USHBP1: variants seen among roughly 807,000 people sequenced by gnomAD.
USHBP1 encodes harmonin-binding protein USHBP1.
Under a neutral mutation model 76.2 loss-of-function variants are expected in USHBP1, and 67 were observed. The ratio of observed to expected loss-of-function variants is 0.88; its 90% confidence interval spans 0.72 to 1.08. USHBP1 has a LOEUF of 1.08. Among genes scored for constraint, USHBP1 ranks in the 50% least tolerant of loss-of-function variants. The pLI is 0.00. For synonymous variants in USHBP1, 322 were observed against 362.2 expected (o/e 0.89, Z 1.26); for missense variants, 931 against 915.0 (o/e 1.02, Z -0.23).
At chr19:17,261,218 C>G (rs540374300) in intron 4 of USHBP1, among the ~76,000 whole-genome samples, 1 of 152,282 alleles carries the variant, frequency 6.6e-6, no homozygotes, top group East Asian at 1.9e-4. Flanking sequence ...CCCTGTTGCC[C>G]CCTGTGTTCC....
At position 17,250,331 on chromosome 19, in the gene USHBP1, T is replaced by C. The variant is rs1451531991; in HGVS notation, c.2006A>G (p.Glu669Gly). 4.3e-6 allele frequency: 7 copies of C among 1,613,470 alleles called. No individual in the cohort carries two copies. The highest frequency in any genetic ancestry group is 5.9e-6 in the Non-Finnish European group (7 of 1,179,838). Residue 669 changes from glutamate to glycine, a missense_variant, in exon 13 of 13, where the codon GAG (glutamate) becomes GGG (glycine). By Grantham distance (98) the Glu-to-Gly change is moderately conservative. Transcript: ENST00000252597. The stretch of plus-strand genomic sequence containing the variant: ...CGCCACCTCCTCGGCCTGCTGAGCC[T>C]CCATGAGTGCCATCTGCTGCTCCAA... ...RKLEQQMALM[E>G]AQQAEEVAVL...
intron 10 of USHBP1, 25 bp from the exon 11 acceptor site, chr19:17,252,042 G>T: frequency 6.5e-7 from 1 of 1,543,110 alleles, no homozygotes; most frequent in Non-Finnish European, 8.7e-7. Context: ...AGACAAGAAA[G>T]TGACATTAAC....
Position 17,259,937 on chromosome 19 carries a change from G to A in USHBP1, c.728C>T (p.Ser243Phe). 1 of 1,614,108 alleles carries A rather than the reference G, an allele frequency of 6.2e-7. No individual in the cohort carries two copies. The highest frequency in any genetic ancestry group is 8.5e-7 in the Non-Finnish European group (1 of 1,179,990). ...HNQAGGSGSG[S>F]SSSEADREPW... ...TTCCCTGTCTGCCTCAGAGCTGCTA[G>A]AACCACTGCCTGAGCCACCTGCTTG... Residue 243 changes from serine (S) to phenylalanine (F), a missense_variant, in exon 5 of 13, where the codon TCT becomes TTT. By Grantham distance (155) the Ser-to-Phe change is radical. Coordinates refer to ENST00000252597, the MANE Select transcript of USHBP1 (RefSeq NM_031941.4).
In USHBP1 at chr19:17,250,005, G is replaced by T. The variant is rs1201486021; in HGVS notation, c.*220C>A. The T allele has an allele frequency of 1.7e-5, 10 of 577,694 alleles. No homozygotes were observed. The highest frequency in any genetic ancestry group is 3.0e-5 in the Non-Finnish European group (10 of 331,940). 35.8% of individuals were successfully genotyped at this position (577,694 alleles called of 1,614,324 possible). ...GCTTCTGGCCTGACCCCACTGATAT[G>T]AAGTTCACATTCCACTTGGTGCCAG... On this transcript the variant is annotated 3_prime_UTR_variant, in exon 13 of 13. Transcript: ENST00000252597.
At chr19:17,260,051 T>C (rs1320209359) in intron 4 of USHBP1, 29 bp from the exon 5 acceptor site, 1 of 1,601,138 alleles carries the variant, frequency 6.2e-7, no homozygotes, top group East Asian at 2.2e-5. Context: ...ACGTCAGGCC[T>C]AGGGGCTCAA....
chr19:17,254,517 G>A (rs1018601332), intron 10 of USHBP1, among the ~76,000 whole-genome samples: 6 of 151,746 alleles, frequency 4.0e-5, no homozygotes, highest in Admixed American at 1.3e-4. Context: ...TTAGCCGGGC[G>A]TGGTGGCGCG....
rs199682499 is a variant in USHBP1 at position 17,262,747 on chromosome 19, G to A, written c.447C>T (p.Phe149=). Residue 149 remains phenylalanine, a synonymous_variant, in exon 4 of 13, where the codon TTC becomes TTT. Coordinates refer to ENST00000252597, the MANE Select transcript of USHBP1 (RefSeq NM_031941.4). ...QPPSHSGPME[F]EGTSEGGAGS... is the part of the protein sequence containing the mutation. Reference sequence around the variant, plus strand: ...CTGCTCCCCCTTCGCTTGTGCCTTCGAACTCCATCGGCCCAGAATGGCTGG... The same window carrying A: ...CTGCTCCCCCTTCGCTTGTGCCTTCAAACTCCATCGGCCCAGAATGGCTGG... The A allele has an allele frequency of 1.5e-5, 24 of 1,614,176 alleles. No homozygotes were observed. The African/African-American group carries it at 2.5e-4, about 17-fold the overall frequency.
Position 17,259,291 on chromosome 19 carries a change from G to A in USHBP1, c.1044C>T (p.Tyr348=). The A allele has an allele frequency of 1.9e-6, 3 of 1,611,922 alleles. No individual in the cohort carries two copies. The highest frequency in any genetic ancestry group is 2.5e-6 in the Non-Finnish European group (3 of 1,179,208). Residue 348 remains tyrosine, a splice_region_variant and synonymous_variant, in exon 7 of 13, where the codon TAC becomes TAT. Coordinates refer to ENST00000252597, the MANE Select transcript of USHBP1 (RefSeq NM_031941.4). ...CATCACTGGCAGGGTGCACTGACCT[G>A]TACTGCAAGGCCAGATGCAATGCTG... The part of the protein sequence containing the change: ...EATALHLALQ[Y]SEHCEEAYRV...
At chr19:17,262,079 C>A (rs2073696034) in intron 4 of USHBP1, among the ~76,000 whole-genome samples, 1 of 149,350 alleles carries the variant, frequency 6.7e-6, no homozygotes, top group Non-Finnish European at 1.5e-5. Flanking sequence ...CAGCTGACTG[C>A]CATCTCCATC....
Position 17,262,683 on chromosome 19 carries a change from G to T in USHBP1, c.511C>A (p.Arg171=), listed in dbSNP as rs939151813. Residue 171 remains arginine, a synonymous_variant, in exon 4 of 13, where the codon CGA becomes AGA. Transcript: ENST00000252597. The stretch of plus-strand genomic sequence containing the variant: ...CTCTCGGCCAGGCGAGCTGCCTCTC[G>T]CTGGCAGCTCCCTGCCCCTTCCTGC... ...GKQEGAGSCQ[R]EAARLAERNA... 6.8e-6 allele frequency: 11 copies of T among 1,613,966 alleles called. No individual in the cohort carries two copies. The highest frequency in any genetic ancestry group is 9.3e-6 in the Non-Finnish European group (11 of 1,180,030).
intron 9 of USHBP1, among the ~76,000 whole-genome samples, chr19:17,255,878 G>A (rs893886519): frequency 2.1e-4 from 32 of 152,134 alleles, no homozygotes; most frequent in African/African-American, 7.0e-4. Context: ...GTGCACACCC[G>A]TAATCCCAGC....
In USHBP1 at chr19:17,264,114, C is replaced by T. The variant is rs995444518; in HGVS notation, c.91G>A (p.Val31Ile). 6.2e-7 allele frequency: 1 copy of T among 1,614,134 alleles called. No individual in the cohort carries two copies. The highest frequency in any genetic ancestry group is 1.1e-5 in the South Asian group (1 of 91,078). ...LDPVAESSEE[V>I]EAASGSSKPS... ...TTGGAGCTCCCACTGGCTGCCTCGA[C>T]CTCCTCTGAACTCTCAGCCACGGGA... is the stretch of plus-strand genomic sequence containing the variant. The change falls in exon 3 of 13, where the codon GTC (valine) becomes ATC (isoleucine). Residue 31 changes from valine (V) to isoleucine (I), a missense_variant. Coordinates refer to ENST00000252597, the MANE Select transcript of USHBP1 (RefSeq NM_031941.4).
At chr19:17,261,021 C>T (rs1241345910) in intron 4 of USHBP1, among the ~76,000 whole-genome samples, 2 of 152,190 alleles carry the variant, frequency 1.3e-5, no homozygotes, top group Non-Finnish European at 2.9e-5. Context: ...CTCCAGGAGT[C>T]CACCCTCACC....
chr19:17,259,698 C>T lies in USHBP1; in HGVS notation c.803G>A (p.Arg268His), dbSNP rs140873737. 2.4e-5 allele frequency: 38 copies of T among 1,613,546 alleles called. No homozygotes were observed. Among genetic ancestry groups the T allele is most frequent in the African/African-American group, 9.3e-5 (7 of 74,980 alleles). ...SFSLAHPLLR[R>H]LRSHSSTQIL... ...CTGGGTGCTGGAATGGCTGCGGAGGCGCCGAAGCAGGGGGTGAGCCAGGGA... is the reference window on the plus strand; with the variant it reads ...CTGGGTGCTGGAATGGCTGCGGAGGTGCCGAAGCAGGGGGTGAGCCAGGGA... Residue 268 changes from arginine to histidine, a missense_variant, in exon 6 of 13, where the codon CGC becomes CAC. Physicochemically the swap from Arg to His is conservative, Grantham distance 29. Coordinates refer to ENST00000252597, the MANE Select transcript of USHBP1 (RefSeq NM_031941.4).
rs1173108934 is a variant in USHBP1, at chr19:17,262,734, C to G, written c.460G>C (p.Glu154Gln). The change falls in exon 4 of 13, where the codon GAA becomes CAA. Residue 154 changes from glutamate to glutamine, a missense_variant. Physicochemically the swap from Glu to Gln is conservative, Grantham distance 29. Coordinates refer to ENST00000252597, the MANE Select transcript of USHBP1 (RefSeq NM_031941.4). ...TTCCCAAGGGAACCTGCTCCCCCTT[C>G]GCTTGTGCCTTCGAACTCCATCGGC... ...SGPMEFEGTS[E>Q]GGAGSLGKQE... 3 of 1,614,232 alleles carry G rather than the reference C, an allele frequency of 1.9e-6. No homozygotes were observed. The highest frequency in any genetic ancestry group is 4.5e-5 in the East Asian group (2 of 44,890).
chr19:17,259,968 G>A lies in USHBP1; in HGVS notation c.697C>T (p.His233Tyr), dbSNP rs148844083. 39 of 1,614,020 alleles carry A rather than the reference G, an allele frequency of 2.4e-5. No individual in the cohort carries two copies. In the African/African-American group the frequency reaches 5.2e-4, roughly 22 times the overall value. The change falls in exon 5 of 13, where the codon CAC becomes TAC. Residue 233 changes from histidine to tyrosine, a missense_variant. By Grantham distance (83) the His-to-Tyr change is moderately conservative (BLOSUM62 2). Coordinates refer to ENST00000252597, the MANE Select transcript of USHBP1 (RefSeq NM_031941.4). ...CTGCCTGAGCCACCTGCTTGGTTGT[G>A]GGAAAGATGTGGGCAGGGCTCCAGC... Reference protein sequence around the residue: ...LRLEPCPHLSHNQAGGSGSGS... With the variant: ...LRLEPCPHLSYNQAGGSGSGS...
At chr19:17,252,804 T>A (rs1369011432) in intron 10 of USHBP1, among the ~76,000 whole-genome samples, 1 of 150,706 alleles carries the variant, frequency 6.6e-6, no homozygotes, top group Non-Finnish European at 1.5e-5. Flanking sequence ...GGAGAATCAC[T>A]TGAAGCTGGG....
At chr19:17,252,157 A>T in intron 10 of USHBP1, 140 bp from the exon 11 acceptor site, 2 of 748,272 alleles carry the variant, frequency 2.7e-6, no homozygotes, top group South Asian at 3.3e-5. Context: ...TACCAATAAG[A>T]GCAAAATTAT....
At chr19:17,261,223 T>C (rs2073683403) in intron 4 of USHBP1, among the ~76,000 whole-genome samples, 1 of 152,180 alleles carries the variant, frequency 6.6e-6, no homozygotes, top group Non-Finnish European at 1.5e-5. Context: ...TTGCCCCCTG[T>C]GTTCCAGCCA....
Sources: gnomAD v4.1 joint callset for allele counts (sites outside exome capture counted in the v4.1 genomes callset) on GRCh38, gnomAD v4.1.1 for gene constraint, MANE v1.5 for transcripts, NCBI Gene and HGNC (gene_info 2026-07-23, HGNC 2026-07-21) for gene names.